SPON1: variants seen among roughly 807,000 people sequenced by gnomAD.
The protein encoded by SPON1 is spondin 1, also known as spondin-1.
SPON1 carries 52 observed loss-of-function variants against 111.7 expected under a neutral mutation model. That is an observed-to-expected ratio of 0.47 (90% CI 0.37 to 0.59). The LOEUF is 0.59. SPON1 is among the 20% of genes least tolerant of loss of function. The probability of loss-of-function intolerance (pLI) is 0.00; values close to 1 mark genes in which losing one functional copy is unlikely to be tolerated. For missense variants in SPON1, 957 were observed against 1,068.5 expected (o/e 0.90, Z 1.46); for synonymous variants, 410 against 395.8 (o/e 1.04, Z -0.43).
intron 2 of SPON1, among the ~76,000 whole-genome samples, chr11:14,027,211 G>A (rs1848525330): frequency 6.6e-6 from 1 of 152,216 alleles, no homozygotes; most frequent in Non-Finnish European, 1.5e-5. Flanking sequence ...AGCCAGAGCT[G>A]CAAACAAAAT....
intron 6 of SPON1, among the ~76,000 whole-genome samples, chr11:14,221,954 G>T (rs1237638080): frequency 6.6e-6 from 1 of 152,178 alleles, no homozygotes; most frequent in East Asian, 1.9e-4. Flanking sequence ...TTGGCCCTGG[G>T]ATCACTGTCT....
At chr11:14,056,304 A>C (rs1848744197) in intron 3 of SPON1, among the ~76,000 whole-genome samples, 1 of 152,230 alleles carries the variant, frequency 6.6e-6, no homozygotes, top group South Asian at 2.1e-4. Flanking sequence ...TGCTGTTATT[A>C]CTATTGCTTT....
At chr11:14,255,574 C>T (rs539413845) in intron 8 of SPON1, 73 bp from the exon 9 acceptor site, 1 of 1,429,482 alleles carries the variant, frequency 7.0e-7, no homozygotes, top group Non-Finnish European at 9.8e-7. Context: ...TGCTCTGATC[C>T]ATATAACAAA....
chr11:13,994,441 C>T (rs1212277824), intron 2 of SPON1, among the ~76,000 whole-genome samples: 2 of 129,694 alleles, frequency 1.5e-5, no homozygotes, highest in African/African-American at 5.2e-5. Context: ...CCCCCATCCC[C>T]ACACACACAC....
At chr11:14,088,446 T>C (rs1399863129) in intron 5 of SPON1, among the ~76,000 whole-genome samples, 2 of 152,226 alleles carry the variant, frequency 1.3e-5, no homozygotes, top group African/African-American at 4.8e-5. Flanking sequence ...TTAAGAATGT[T>C]GAATATTGGC....
At chr11:14,207,758 G>A (rs1848531571) in intron 6 of SPON1, among the ~76,000 whole-genome samples, 1 of 152,214 alleles carries the variant, frequency 6.6e-6, no homozygotes, top group African/African-American at 2.4e-5. Context: ...ATTGGTGGGA[G>A]TGTAAATTTG....
chr11:14,049,567 C>A (rs1279434500), intron 3 of SPON1, among the ~76,000 whole-genome samples: 1 of 152,168 alleles, frequency 6.6e-6, no homozygotes, highest in East Asian at 1.9e-4. Context: ...AACTCTGAAT[C>A]CTCCCTAGCC....
intron 5 of SPON1, among the ~76,000 whole-genome samples, chr11:14,123,306 C>T (rs1008972232): frequency 6.6e-6 from 1 of 152,010 alleles, no homozygotes; most frequent in African/African-American, 2.4e-5. Flanking sequence ...TTTTATCTTC[C>T]TTTAAAGAGT....
intron 1 of SPON1, among the ~76,000 whole-genome samples, chr11:13,977,341 A>G (rs1394091762): frequency 2.0e-5 from 3 of 152,224 alleles, no homozygotes; most frequent in African/African-American, 7.2e-5. Context: ...ACATCACTGG[A>G]TATTGTTAAT....
At chr11:14,084,328 G>A (rs1282590835) in intron 5 of SPON1, among the ~76,000 whole-genome samples, 1 of 152,104 alleles carries the variant, frequency 6.6e-6, no homozygotes, top group Non-Finnish European at 1.5e-5. Context: ...GACCAGGTGT[G>A]TGATGTTCCC....
chr11:14,154,767 T>C (rs1488864616), intron 6 of SPON1, among the ~76,000 whole-genome samples: 1 of 152,254 alleles, frequency 6.6e-6, no homozygotes, highest in African/African-American at 2.4e-5. Context: ...TTTTATGCTG[T>C]ACTTCCCTTT....
intron 6 of SPON1, among the ~76,000 whole-genome samples, chr11:14,208,337 T>G (rs1318256288): frequency 2.0e-5 from 3 of 152,154 alleles, no homozygotes; most frequent in Non-Finnish European, 4.4e-5. Context: ...AACCTGCACA[T>G]GTACCCCTGA....
At chr11:14,240,482 A>G (rs1311790597) in intron 6 of SPON1, among the ~76,000 whole-genome samples, 2 of 152,220 alleles carry the variant, frequency 1.3e-5, no homozygotes, top group Non-Finnish European at 2.9e-5. Context: ...TGGAGCCTCC[A>G]TAGGTCTAAA....
chr11:14,123,949 T>A (rs1211756821), intron 5 of SPON1, among the ~76,000 whole-genome samples: 1 of 152,246 alleles, frequency 6.6e-6, no homozygotes, highest in African/African-American at 2.4e-5. Flanking sequence ...TGCCCACTTA[T>A]AGTTATTTAT....
intron 6 of SPON1, among the ~76,000 whole-genome samples, chr11:14,196,541 A>T (rs1848404402): frequency 6.6e-6 from 1 of 152,232 alleles, no homozygotes; most frequent in Admixed American, 6.5e-5. Context: ...AGAAGGACAG[A>T]ATAGAGGGAG....
chr11:14,054,637 A>G (rs1380897485), intron 3 of SPON1, among the ~76,000 whole-genome samples: 1 of 151,838 alleles, frequency 6.6e-6, no homozygotes, highest in Non-Finnish European at 1.5e-5. Context: ...CAACAGTCCC[A>G]GCTCCACAGA....
intron 5 of SPON1, among the ~76,000 whole-genome samples, chr11:14,117,601 T>C (rs1013356665): frequency 1.1e-4 from 16 of 152,236 alleles, no homozygotes; most frequent in African/African-American, 3.4e-4. Context: ...GGTTGCTACA[T>C]CTATGGTCAT....
chr11:13,987,488 C>T (rs1044060991), intron 2 of SPON1, among the ~76,000 whole-genome samples: 5 of 152,108 alleles, frequency 3.3e-5, no homozygotes, highest in African/African-American at 7.2e-5. Flanking sequence ...AAAATTTTCT[C>T]CCATTCTGTA....
At chr11:14,114,636 G>T (rs146238543) in intron 5 of SPON1, among the ~76,000 whole-genome samples, 24 of 152,224 alleles carry the variant, frequency 1.6e-4, no homozygotes, top group Admixed American at 4.6e-4. Flanking sequence ...TTGACTGTTT[G>T]CTTGCCACCC....
Sources: gnomAD v4.1 joint callset for allele counts (sites outside exome capture counted in the v4.1 genomes callset) on GRCh38, gnomAD v4.1.1 for gene constraint, MANE v1.5 for transcripts, NCBI Gene and HGNC (gene_info 2026-07-23, HGNC 2026-07-21) for gene names.